TEX36: variants seen among roughly 807,000 people sequenced by gnomAD.
TEX36 encodes testis-expressed protein 36.
In TEX36, 12 loss-of-function variants were observed where a neutral mutation model predicts 13.6. That is an observed-to-expected ratio of 0.88 (90% CI 0.56 to 1.43). The LOEUF is 1.43. TEX36 is among the 40% of genes most tolerant of loss of function. The pLI is 0.00. For missense variants in TEX36, 224 were observed against 228.3 expected (o/e 0.98, Z 0.12); for synonymous variants, 93 against 83.0 (o/e 1.12, Z -0.65).
At chr10:125,629,424 G>A (rs552004500) in intron 3 of TEX36, among the ~76,000 whole-genome samples, 7 of 152,094 alleles carry the variant, frequency 4.6e-5, no homozygotes, top group Non-Finnish European at 8.8e-5. Context: ...TGAGGTGAAA[G>A]AAAAATCAGT....
At chr10:125,646,217 T>C (rs1483969370) in intron 3 of TEX36, among the ~76,000 whole-genome samples, 1 of 152,110 alleles carries the variant, frequency 6.6e-6, no homozygotes, top group Non-Finnish European at 1.5e-5. Flanking sequence ...TTCCAGCTAC[T>C]TGGGAGGCTG....
chr10:125,586,101 C>T (rs1479154378), intron 3 of TEX36, among the ~76,000 whole-genome samples: 4 of 152,136 alleles, frequency 2.6e-5, no homozygotes, highest in Admixed American at 6.5e-5. Flanking sequence ...AGACAGAGGC[C>T]GTCTGGGGCA....
downstream of TEX36, among the ~76,000 whole-genome samples, chr10:125,619,937 T>C (rs191015577): frequency 3.6e-3 from 547 of 152,188 alleles, 9 homozygotes; most frequent in Admixed American, 6.1e-3. Context: ...GGTGCATGTA[T>C]CATTGTAAAA....
At chr10:125,590,568 T>C (rs190984791) in intron 3 of TEX36, among the ~76,000 whole-genome samples, 3 of 152,294 alleles carry the variant, frequency 2.0e-5, no homozygotes, top group Non-Finnish European at 2.9e-5. Flanking sequence ...GATATTATTA[T>C]TACTATTATT....
intron 3 of TEX36, among the ~76,000 whole-genome samples, chr10:125,622,741 C>A (rs1452379532): frequency 6.6e-6 from 1 of 152,244 alleles, no homozygotes; most frequent in Non-Finnish European, 1.5e-5. Flanking sequence ...CACACATACT[C>A]TTCCTTACCT....
intron 3 of TEX36, among the ~76,000 whole-genome samples, chr10:125,603,217 C>T (rs532223102): frequency 5.9e-5 from 9 of 152,334 alleles, no homozygotes; most frequent in African/African-American, 1.2e-4. Flanking sequence ...CATGGCCCCC[C>T]GCCAGAAACT....
chr10:125,668,329 T>C lies in TEX36; in HGVS notation c.52-6352A>G, dbSNP rs1019839607. On this transcript the variant is annotated intron_variant, in intron 1 of 3. Transcript: ENST00000368821. ...TGGGAGATTTTTTTTTTTTAATTAC[T>C]GATTCAGTCTCACTATTCAGCATTG... 1.1e-3 allele frequency among the ~76,000 whole-genome samples: 164 copies of C among 152,204 alleles called. 1 individual carries two copies. The highest frequency in any genetic ancestry group is 3.7e-3 in the African/African-American group (153 of 41,528).
chr10:125,640,068 G>T, intron 3 of TEX36: 1 of 705,254 alleles, frequency 1.4e-6, no homozygotes, highest in Non-Finnish European at 1.7e-6. Flanking sequence ...TTATTATCCC[G>T]TCAGTAGCTA....
At chr10:125,615,193 G>A (rs965313176) in intron 3 of TEX36, among the ~76,000 whole-genome samples, 30 of 151,936 alleles carry the variant, frequency 2.0e-4, no homozygotes, top group East Asian at 1.9e-4. Context: ...CTGAGACAAC[G>A]GGGTTTTCTA....
downstream of TEX36, among the ~76,000 whole-genome samples, chr10:125,621,340 A>G (rs536799903): frequency 6.6e-6 from 1 of 151,098 alleles, no homozygotes; most frequent in African/African-American, 2.4e-5. Context: ...ATTTCTCCAC[A>G]TCCTCACCAA....
chr10:125,628,254 A>G (rs1846510625), intron 3 of TEX36, among the ~76,000 whole-genome samples: 1 of 152,226 alleles, frequency 6.6e-6, no homozygotes, highest in Non-Finnish European at 1.5e-5. Context: ...AGCTGTGCCC[A>G]CTTAATGCTA....
intron 2 of TEX36, 125 bp from the exon 3 acceptor site, chr10:125,661,226 C>G (rs545038790): frequency 1.3e-6 from 1 of 756,570 alleles, no homozygotes; most frequent in African/African-American, 1.7e-5. Flanking sequence ...ACAATGAAAC[C>G]TGGCCCCAGA....
At chr10:125,588,945 G>A (rs1845990707) in intron 3 of TEX36, among the ~76,000 whole-genome samples, 1 of 152,142 alleles carries the variant, frequency 6.6e-6, no homozygotes. Context: ...CACAGAACAA[G>A]AGATCCCTCA....
chr10:125,639,287 AG>A (rs1412498190), intron 3 of TEX36, among the ~76,000 whole-genome samples: 1 of 152,200 alleles, frequency 6.6e-6, no homozygotes, highest in African/African-American at 2.4e-5. Flanking sequence ...GACCTTTCAA[AG>A]TACCATTGCC....
At position 125,661,851 on chromosome 10, in the gene TEX36, C is replaced by T; in HGVS notation, c.178G>A (p.Glu60Lys). 6.4e-7 allele frequency: 1 copy of T among 1,551,860 alleles called. No homozygotes were observed. The highest frequency in any genetic ancestry group is 8.7e-7 in the Non-Finnish European group (1 of 1,147,006). ...GKLPPIYKVREKQAVNNQFPF... is the reference protein window; with the variant it reads ...GKLPPIYKVRKKQAVNNQFPF... ...GGCCAGTGTTCAGGACTCACCTTCT[C>T]CCGGACTTTGTATATGGGCGGCAGC... The change falls in exon 2 of 4, where the codon GAG becomes AAG. Residue 60 changes from glutamate to lysine, a missense_variant. Physicochemically the swap from Glu to Lys is moderately conservative, Grantham distance 56 (BLOSUM62 1). Transcript: ENST00000368821.
At chr10:125,672,641 C>A (rs1589788238) in intron 1 of TEX36, among the ~76,000 whole-genome samples, 1 of 152,156 alleles carries the variant, frequency 6.6e-6, no homozygotes, top group South Asian at 2.1e-4. Flanking sequence ...AGGTATCTAT[C>A]AGTTCCCCTT....
intron 3 of TEX36, among the ~76,000 whole-genome samples, chr10:125,634,342 T>G (rs1204777253): frequency 6.6e-6 from 1 of 152,154 alleles, no homozygotes; most frequent in East Asian, 1.9e-4. Flanking sequence ...CTCCACACAT[T>G]TGATGTCATT....
At chr10:125,577,011 A>G (rs1042674828) in intron 3 of TEX36, 1 of 1,164,456 alleles carries the variant, frequency 8.6e-7, no homozygotes, top group African/African-American at 1.5e-5. Context: ...ATTTAGTGAG[A>G]CTTAGCCTGA....
chr10:125,584,948 A>T (rs1038064124), intron 3 of TEX36, among the ~76,000 whole-genome samples: 4 of 152,350 alleles, frequency 2.6e-5, no homozygotes, highest in Admixed American at 2.6e-4. Flanking sequence ...CATGTCATAG[A>T]TAGTCTTCAA....
Sources: allele counts gnomAD v4.1 joint callset (sites outside exome capture counted in the v4.1 genomes callset), GRCh38; gene constraint gnomAD v4.1.1; transcripts MANE v1.5; gene names NCBI Gene and HGNC (gene_info 2026-07-23, HGNC 2026-07-21).